Variants in SLCO4C1 observed in about 807,000 individuals in gnomAD.
SLCO4C1 encodes the protein solute carrier organic anion transporter family member 4C1.
In SLCO4C1, 58 loss-of-function variants were observed where a neutral mutation model predicts 72.1. That is an observed-to-expected ratio of 0.80 (90% CI 0.65 to 1.00). SLCO4C1 has a LOEUF of 1.00. SLCO4C1 is among the 50% of genes least tolerant of loss of function. The probability of loss-of-function intolerance (pLI) is 0.00; values close to 1 mark genes in which losing one functional copy is unlikely to be tolerated. For missense variants in SLCO4C1, 898 were observed against 857.9 expected (o/e 1.05, Z -0.58); for synonymous variants, 297 against 312.5 (o/e 0.95, Z 0.52).
chr5:102,236,603 TTCG>T lies in SLCO4C1; in HGVS notation c.*252_*254del, dbSNP rs1561362723. The stretch of plus-strand genomic sequence containing the variant: ...GTGCGTGTGTGTGTGTGTGTGTGTG[TTCG>T]TGTGTGTGTGTGTGTGTGTGCTCGT... On this transcript the variant is annotated 3_prime_UTR_variant, in exon 13 of 13. Coordinates refer to ENST00000310954, the MANE Select transcript of SLCO4C1 (RefSeq NM_180991.5). 33 of 336,160 alleles carry T rather than the reference TTCG, an allele frequency of 9.8e-5. No individual in the cohort carries two copies. Among genetic ancestry groups the T allele is most frequent in the African/African-American group, 8.1e-4 (32 of 39,314 alleles). The allele number at this position is 336,160 out of a possible 1,614,324, so 20.8% of individuals were successfully genotyped here.
At chr5:102,268,779 A>G (rs147777090) in intron 3 of SLCO4C1, among the ~76,000 whole-genome samples, 3 of 152,062 alleles carry the variant, frequency 2.0e-5, no homozygotes, top group South Asian at 4.1e-4. Context: ...TCAGGGTGGT[A>G]ATTATTGTCC....
At chr5:102,240,126 C>T (rs1478803666) in intron 11 of SLCO4C1, among the ~76,000 whole-genome samples, 3 of 152,072 alleles carry the variant, frequency 2.0e-5, no homozygotes, top group Admixed American at 2.0e-4. Context: ...AAACCCTGCA[C>T]TTCTCAGGGA....
chr5:102,295,925 A>T lies in SLCO4C1; in HGVS notation c.338T>A (p.Leu113His), dbSNP rs200937795. The T allele has an allele frequency of 1.0e-4, 164 of 1,613,882 alleles. No homozygotes were observed. In the East Asian group the frequency reaches 3.4e-3, roughly 34 times the overall value. ...GACTTTACCTTGCGTGACGGCCAAG[A>T]GGCAGTAGTGAAGCAGAAAGCCTCC... ...TPGGFLLHYC[L>H]LAVTQGIVVN... The change falls in exon 1 of 13, where the codon CTC becomes CAC. Residue 113 changes from leucine (L) to histidine (H), a missense_variant. Physicochemically the swap from Leu to His is moderately conservative, Grantham distance 99. Coordinates refer to ENST00000310954, the MANE Select transcript of SLCO4C1 (RefSeq NM_180991.5).
At position 102,249,692 on chromosome 5, in the gene SLCO4C1, A is replaced by C; in HGVS notation, c.1566T>G (p.Tyr522Ter). 1 of 1,613,918 alleles carries C rather than the reference A, an allele frequency of 6.2e-7. No individual in the cohort carries two copies. The highest frequency in any genetic ancestry group is 1.1e-5 in the South Asian group (1 of 91,074). Residue 522 changes from tyrosine (Y) to a stop codon, truncating the protein, a stop_gained, in exon 9 of 13, where the codon TAT (tyrosine) becomes TAG (stop). Transcript: ENST00000310954. LOFTEE classifies it high-confidence loss of function. ...AACAGCCTGCAAAGCAGGGAGAAAAATATTGGACTCCATCTCCACAGACAG... is the reference window on the plus strand; with the variant it reads ...AACAGCCTGCAAAGCAGGGAGAAAACTATTGGACTCCATCTCCACAGACAG... ...YYPVCGDGVQ[Y>*]FSPCFAGCSN...
chr5:102,262,898 C>T (rs1002753339), intron 4 of SLCO4C1, among the ~76,000 whole-genome samples: 1 of 152,060 alleles, frequency 6.6e-6, no homozygotes, highest in Non-Finnish European at 1.5e-5. Context: ...AATCACATAC[C>T]TATGACCACA....
At chr5:102,243,106 A>C (rs1050547075) in intron 10 of SLCO4C1, among the ~76,000 whole-genome samples, 14 of 152,156 alleles carry the variant, frequency 9.2e-5, no homozygotes, top group African/African-American at 2.7e-4. Flanking sequence ...TATGGGGTGA[A>C]GCTTCTCTGC....
At position 102,296,194 on chromosome 5, in the gene SLCO4C1, C is replaced by G. The variant is rs1489756327; in HGVS notation, c.69G>C (p.Leu23Phe). Residue 23 changes from leucine (L) to phenylalanine (F), a missense_variant, in exon 1 of 13, where the codon TTG becomes TTC. Physicochemically the swap from Leu to Phe is conservative, Grantham distance 22 (BLOSUM62 0). Coordinates refer to ENST00000310954, the MANE Select transcript of SLCO4C1 (RefSeq NM_180991.5). ...CTTCGATTTGGGAGGGCGACGCAGA[C>G]AAGCGGCGCAGGATGTCTGGGCTGG... ...VPSSPDILRR[L>F]SASPSQIEVS... 5.6e-6 allele frequency: 9 copies of G among 1,605,328 alleles called. No individual in the cohort carries two copies. The highest frequency in any genetic ancestry group is 7.7e-6 in the Non-Finnish European group (9 of 1,175,236).
At chr5:102,286,431 A>T (rs1749453337) in intron 2 of SLCO4C1, among the ~76,000 whole-genome samples, 1 of 152,170 alleles carries the variant, frequency 6.6e-6, no homozygotes, top group Admixed American at 6.5e-5. Context: ...AAGATTGCTT[A>T]GATGAAAAAA....
chr5:102,260,082 GT>G (rs1252725614), intron 6 of SLCO4C1, 130 bp downstream of exon 6: 3 of 247,468 alleles, frequency 1.2e-5, no homozygotes, highest in African/African-American at 6.9e-5. Context: ...ATGTGTGGTT[GT>G]ATTTGTATAT....
chr5:102,240,820 G>GTA (rs1314853199), intron 10 of SLCO4C1, 38 bp from the exon 11 acceptor site: 2 of 1,449,940 alleles, frequency 1.4e-6, no homozygotes, highest in Non-Finnish European at 1.9e-6. Flanking sequence ...AAAAAAGGTG[G>GTA]TATAGTATAT....
intron 2 of SLCO4C1, among the ~76,000 whole-genome samples, chr5:102,277,892 G>C (rs772954778): frequency 6.6e-6 from 1 of 151,824 alleles, no homozygotes; most frequent in Admixed American, 6.6e-5. Context: ...AAATCAAAAT[G>C]GAATTCTAAA....
chr5:102,258,800 G>GCTTGGA (rs1561371225), intron 6 of SLCO4C1, among the ~76,000 whole-genome samples: 12 of 151,648 alleles, frequency 7.9e-5, no homozygotes, highest in Admixed American at 2.6e-4. Context: ...AGCAAGATGG[G>GCTTGGA]AGCTTTAGAA....
intron 2 of SLCO4C1, among the ~76,000 whole-genome samples, chr5:102,288,036 T>G (rs920860474): frequency 6.6e-6 from 1 of 152,170 alleles, no homozygotes; most frequent in East Asian, 1.9e-4. Flanking sequence ...ACAACAGTGA[T>G]GCATTTTCAT....
chr5:102,258,290 A>G (rs1164819310), intron 6 of SLCO4C1, among the ~76,000 whole-genome samples: 1 of 152,210 alleles, frequency 6.6e-6, no homozygotes, highest in Non-Finnish European at 1.5e-5. Context: ...GAAAACCTAG[A>G]AAATTGATAG....
Position 102,257,301 on chromosome 5 carries a change from A to C in SLCO4C1, c.1283T>G (p.Leu428Ter), listed in dbSNP as rs758584803. ...TTGACCGAGAGCAGCTCCAGGAATT[A>C]AAACAGCCCCTAATAAGAAAAAAGA... ...SFAATLGGAV[L>*]IPGAALGQIL... Residue 428 changes from leucine to a stop codon, truncating the protein, a stop_gained, in exon 8 of 13, where the codon TTA (leucine) becomes TGA (stop). Coordinates refer to ENST00000310954, the MANE Select transcript of SLCO4C1 (RefSeq NM_180991.5). LOFTEE classifies it high-confidence loss of function. The C allele has an allele frequency of 6.3e-7, 1 of 1,593,116 alleles. No individual in the cohort carries two copies. Among genetic ancestry groups the C allele is most frequent in the Non-Finnish European group, 8.5e-7 (1 of 1,172,868 alleles).
chr5:102,257,922 A>G (rs764017691), intron 7 of SLCO4C1, 21 bp downstream of exon 7: 1 of 1,589,500 alleles, frequency 6.3e-7, no homozygotes. Flanking sequence ...TTTTTAGGTT[A>G]AGATAAAGAA....
intron 3 of SLCO4C1, among the ~76,000 whole-genome samples, chr5:102,266,767 C>T (rs1229938960): frequency 6.6e-6 from 1 of 152,136 alleles, no homozygotes; most frequent in Non-Finnish European, 1.5e-5. Flanking sequence ...TGTGGGTTTT[C>T]CATATACGGC....
In SLCO4C1 at chr5:102,295,987, GT is replaced by G; in HGVS notation, c.275del (p.Asn92ThrfsTer30). Reference sequence around the variant, plus strand: ...AGCGCTGGAGACATTGAGGATGGAAGTTCCTCCAGCCGTAAGACCCCTCCTC... The same window carrying G: ...AGCGCTGGAGACATTGAGGATGGAAGTCCTCCAGCCGTAAGACCCCTCCTC... ...EFEEGSYGWR[N>X]FHPQCLQRCN... On this transcript the variant is annotated frameshift_variant, in exon 1 of 13. Coordinates refer to ENST00000310954, the MANE Select transcript of SLCO4C1 (RefSeq NM_180991.5). LOFTEE classifies it high-confidence loss of function. 1 of 1,614,260 alleles carries G rather than the reference GT, an allele frequency of 6.2e-7. No individual in the cohort carries two copies.
Position 102,237,009 on chromosome 5 carries a change from C to T in SLCO4C1, c.2024G>A (p.Cys675Tyr), listed in dbSNP as rs1580233557. ...ATTGAAGAACATGGTGATAACTTTA[C>T]AAGTAACACCTAAGTGAAAAAAAAA... ...AHMLVAISVT[C>Y]KVITMFFNGF... Residue 675 changes from cysteine to tyrosine, a missense_variant, in exon 13 of 13, where the codon TGT becomes TAT. Cys to Tyr is a radical substitution (Grantham distance 194). Transcript: ENST00000310954. 1 of 1,587,286 alleles carries T rather than the reference C, an allele frequency of 6.3e-7. No individual in the cohort carries two copies. Among genetic ancestry groups the T allele is most frequent in the Middle Eastern group, 1.7e-4 (1 of 5,844 alleles).
Sources: gnomAD v4.1 joint callset for allele counts (sites outside exome capture counted in the v4.1 genomes callset) on GRCh38, gnomAD v4.1.1 for gene constraint, MANE v1.5 for transcripts, NCBI Gene and HGNC (gene_info 2026-07-23, HGNC 2026-07-21) for gene names.